CATSPERT: variants seen among roughly 807,000 people sequenced by gnomAD.
CATSPERT encodes catsper channel auxiliary subunit tau, also known as cation channel sperm-associated targeting subunit tau.
At chr2:201,527,605 C>T in the CATSPERT span, among the ~76,000 whole-genome samples, 2 of 152,078 alleles carry the variant, frequency 1.3e-5, no homozygotes, top group Admixed American at 6.6e-5. Flanking sequence ...AATAAAGCCA[C>T]ACACCTACAT....
At chr2:201,584,484 A>G in the CATSPERT span, among the ~76,000 whole-genome samples, 4 of 151,972 alleles carry the variant, frequency 2.6e-5, no homozygotes, top group Non-Finnish European at 4.4e-5. Flanking sequence ...GAGAAGCACT[A>G]TTTTAAGAAA....
the CATSPERT span, among the ~76,000 whole-genome samples, chr2:201,544,308 G>A: frequency 2.0e-4 from 30 of 152,022 alleles, no homozygotes; most frequent in East Asian, 3.9e-4. Context: ...GAATAGTGCC[G>A]CAATAAACAT....
At chr2:201,493,752 G>A in the CATSPERT span, 5 of 1,537,166 alleles carry the variant, frequency 3.3e-6, no homozygotes, top group African/African-American at 1.4e-5. Flanking sequence ...GCCTCATAAT[G>A]TAGTCATGTA....
chr2:201,515,210 T>TAG, the CATSPERT span, among the ~76,000 whole-genome samples: 2 of 16,776 alleles, frequency 1.2e-4, 1 homozygote, highest in Admixed American at 1.2e-3. Context: ...TAGTTTTTTT[T>TAG]TTTTTTTTTT....
chr2:201,562,337 A>G, the CATSPERT span, among the ~76,000 whole-genome samples: 2 of 150,560 alleles, frequency 1.3e-5, no homozygotes, highest in Non-Finnish European at 3.0e-5. Context: ...ACAGGCGCCC[A>G]CCACCACGCC....
At chr2:201,599,127 G>A in the CATSPERT span, among the ~76,000 whole-genome samples, 212 of 152,112 alleles carry the variant, frequency 1.4e-3, no homozygotes, top group African/African-American at 5.0e-3. Flanking sequence ...CCTCAGTGGT[G>A]TGTCATGTCC....
At chr2:201,575,233 A>G in the CATSPERT span, 2 of 1,446,802 alleles carry the variant, frequency 1.4e-6, no homozygotes, top group African/African-American at 1.4e-5. Context: ...AAATGTTAAG[A>G]ATATATTACA....
chr2:201,569,939 T>A, the CATSPERT span, among the ~76,000 whole-genome samples: 2 of 152,068 alleles, frequency 1.3e-5, no homozygotes, highest in African/African-American at 4.8e-5. Context: ...TCCCAGCACT[T>A]TCGGAGTCTG....
the CATSPERT span, among the ~76,000 whole-genome samples, chr2:201,545,913 A>T: frequency 6.6e-6 from 1 of 152,154 alleles, no homozygotes; most frequent in Non-Finnish European, 1.5e-5. Flanking sequence ...GAATATTACA[A>T]GATAAATTAC....
chr2:201,507,795 G>A, the CATSPERT span, among the ~76,000 whole-genome samples: 2 of 152,152 alleles, frequency 1.3e-5, no homozygotes, highest in African/African-American at 4.8e-5. Flanking sequence ...TGACTGGGGG[G>A]GCCTCAGGAA....
the CATSPERT span, among the ~76,000 whole-genome samples, chr2:201,580,168 A>G: frequency 6.6e-6 from 1 of 152,204 alleles, no homozygotes; most frequent in Non-Finnish European, 1.5e-5. Flanking sequence ...TTTGATGACG[A>G]TAAGTCATAG....
the CATSPERT span, among the ~76,000 whole-genome samples, chr2:201,615,743 C>T: frequency 1.3e-5 from 2 of 151,958 alleles, no homozygotes; most frequent in African/African-American, 2.4e-5. Flanking sequence ...ACAAAAAAAC[C>T]TTCAAAAAAT....
chr2:201,489,410 A>C, the CATSPERT span, among the ~76,000 whole-genome samples: 1 of 152,258 alleles, frequency 6.6e-6, no homozygotes, highest in South Asian at 2.1e-4. Context: ...ACACGTGTGT[A>C]TATACACTCA....
At chr2:201,493,843 G>A in the CATSPERT span, 7 of 1,535,442 alleles carry the variant, frequency 4.6e-6, no homozygotes, top group East Asian at 1.7e-4. Context: ...TTTTTTAATT[G>A]GAAAATCTCT....
the CATSPERT span, among the ~76,000 whole-genome samples, chr2:201,580,969 G>A: frequency 6.6e-6 from 1 of 152,188 alleles, no homozygotes; most frequent in African/African-American, 2.4e-5. Context: ...TGCCAACTAA[G>A]AGACAGAGTT....
chr2:201,618,328 G>C, the CATSPERT span, among the ~76,000 whole-genome samples: 2 of 152,188 alleles, frequency 1.3e-5, no homozygotes, highest in Admixed American at 1.3e-4. Flanking sequence ...ATCAATGACA[G>C]ACTGGATTAA....
the CATSPERT span, among the ~76,000 whole-genome samples, chr2:201,615,277 T>G: frequency 1.7e-3 from 265 of 152,228 alleles, 1 homozygote; most frequent in African/African-American, 5.8e-3. Flanking sequence ...CACATCACAC[T>G]TATTCCAAAA....
chr2:201,580,449 G>C, the CATSPERT span, among the ~76,000 whole-genome samples: 4 of 152,224 alleles, frequency 2.6e-5, no homozygotes, highest in East Asian at 7.7e-4. Flanking sequence ...ACAATAATTT[G>C]TAATTCTTTC....
chr2:201,548,619 C>A, the CATSPERT span, among the ~76,000 whole-genome samples: 8 of 152,010 alleles, frequency 5.3e-5, no homozygotes, highest in Admixed American at 2.6e-4. Flanking sequence ...CTTCAAAAAG[C>A]TTGAATACCT....
Sources: allele counts gnomAD v4.1 joint callset (sites outside exome capture counted in the v4.1 genomes callset), GRCh38; gene constraint gnomAD v4.1.1; transcripts MANE v1.5; gene names NCBI Gene and HGNC (gene_info 2026-07-23, HGNC 2026-07-21).